Variants in THEMIS observed in about 807,000 individuals in gnomAD.
The protein encoded by THEMIS is protein THEMIS.
THEMIS carries 37 observed loss-of-function variants against 52.6 expected under a neutral mutation model. The ratio of observed to expected loss-of-function variants is 0.70; its 90% CI spans 0.54 to 0.93. THEMIS has a LOEUF of 0.93. Among genes scored for constraint, THEMIS ranks in the 40% least tolerant of loss-of-function variants. The probability of loss-of-function intolerance (pLI) is 0.00; values close to 1 mark genes in which losing one functional copy is unlikely to be tolerated. For missense variants in THEMIS, 808 were observed against 763.1 expected, an observed-to-expected ratio of 1.06 and a Z score of -0.69; for synonymous variants, 292 against 272.7, an observed-to-expected ratio of 1.07 and a Z score of -0.70.
At chr6:127,848,310 A>T (rs1427211551) in intron 2 of THEMIS, among the ~76,000 whole-genome samples, 1 of 151,848 alleles carries the variant, frequency 6.6e-6, no homozygotes, top group African/African-American at 2.4e-5. Context: ...ACATTTTCTT[A>T]ATCCAGTCTA....
intron 1 of THEMIS, among the ~76,000 whole-genome samples, chr6:127,859,098 G>C: frequency 6.6e-6 from 1 of 152,010 alleles, no homozygotes; most frequent in East Asian, 1.9e-4. Context: ...ACGTGTGACA[G>C]TCAGCAAATA....
chr6:127,737,075 A>G (rs2114256652), intron 4 of THEMIS, among the ~76,000 whole-genome samples: 1 of 152,268 alleles, frequency 6.6e-6, no homozygotes, highest in East Asian at 1.9e-4. Context: ...AGCAACCAGG[A>G]GACTGTGACT....
intron 2 of THEMIS, among the ~76,000 whole-genome samples, chr6:127,836,208 T>C (rs1174696647): frequency 1.3e-5 from 2 of 152,162 alleles, no homozygotes; most frequent in African/African-American, 4.8e-5. Context: ...GGGAGCCATG[T>C]GGAGCTGATT....
intron 2 of THEMIS, among the ~76,000 whole-genome samples, chr6:127,843,729 T>C (rs558628789): frequency 7.2e-5 from 11 of 151,938 alleles, no homozygotes; most frequent in Non-Finnish European, 1.0e-4. Flanking sequence ...AAGGGTATGG[T>C]AGAAGTGATG....
chr6:127,717,646 C>A (rs1230296740), intron 5 of THEMIS, among the ~76,000 whole-genome samples: 1 of 151,824 alleles, frequency 6.6e-6, no homozygotes, highest in Non-Finnish European at 1.5e-5. Context: ...CGTGTTCAGT[C>A]ATTCACAGCA....
intron 4 of THEMIS, among the ~76,000 whole-genome samples, chr6:127,805,462 A>G (rs7772357): frequency 0.15 from 23,082 of 151,946 alleles, 1,955 homozygotes; most frequent in African/African-American, 0.22. Context: ...TGAATTTTTA[A>G]AGTATTTATG....
chr6:127,905,718 T>A (rs1464315086), upstream of THEMIS, among the ~76,000 whole-genome samples: 2 of 152,002 alleles, frequency 1.3e-5, no homozygotes, highest in Non-Finnish European at 2.9e-5. Flanking sequence ...GAAGTTAAAA[T>A]GTTCTAAAGC....
chr6:127,768,681 GCATT>G (rs1203407305), intron 4 of THEMIS, among the ~76,000 whole-genome samples: 2 of 152,132 alleles, frequency 1.3e-5, no homozygotes, highest in Non-Finnish European at 2.9e-5. Context: ...AATTACTTAT[GCATT>G]CAGACAGTTA....
intron 4 of THEMIS, among the ~76,000 whole-genome samples, chr6:127,735,209 TAAC>T (rs1774961193): frequency 2.0e-5 from 3 of 151,974 alleles, no homozygotes; most frequent in East Asian, 3.9e-4. Context: ...GGTGGCAATC[TAAC>T]AACAAGACTG....
intron 4 of THEMIS, among the ~76,000 whole-genome samples, chr6:127,767,265 G>C (rs1171514357): frequency 6.6e-6 from 1 of 151,550 alleles, no homozygotes; most frequent in South Asian, 2.1e-4. Flanking sequence ...CTAATTTTTT[G>C]TATTTTAGTA....
At chr6:127,769,211 C>T (rs563175727) in intron 4 of THEMIS, among the ~76,000 whole-genome samples, 1 of 152,150 alleles carries the variant, frequency 6.6e-6, no homozygotes, top group South Asian at 2.1e-4. Context: ...TTTTAAGATG[C>T]CATTTAATTG....
At chr6:127,837,711 G>C (rs1020612581) in intron 2 of THEMIS, among the ~76,000 whole-genome samples, 1 of 151,846 alleles carries the variant, frequency 6.6e-6, no homozygotes, top group Non-Finnish European at 1.5e-5. Context: ...GACTGAAACA[G>C]CTGCTTTTAA....
At chr6:127,852,340 A>C (rs2114282192) in intron 2 of THEMIS, among the ~76,000 whole-genome samples, 1 of 151,718 alleles carries the variant, frequency 6.6e-6, no homozygotes, top group African/African-American at 2.4e-5. Context: ...ACTAGAAAGA[A>C]GATACACAAA....
chr6:127,798,254 G>A (rs1233604286), intron 4 of THEMIS, among the ~76,000 whole-genome samples: 1 of 152,070 alleles, frequency 6.6e-6, no homozygotes, highest in Admixed American at 6.5e-5. Flanking sequence ...ATATTTATAT[G>A]CAAACACATA....
At chr6:127,786,589 A>G (rs1776956300) in intron 4 of THEMIS, among the ~76,000 whole-genome samples, 1 of 152,182 alleles carries the variant, frequency 6.6e-6, no homozygotes, top group Non-Finnish European at 1.5e-5. Flanking sequence ...TAAGCCTCAC[A>G]ACAATTCTCT....
At chr6:127,789,607 A>C (rs1265058276) in intron 4 of THEMIS, among the ~76,000 whole-genome samples, 1 of 152,226 alleles carries the variant, frequency 6.6e-6, no homozygotes, top group Admixed American at 6.5e-5. Context: ...CCTGATGAAC[A>C]TCAATACAAA....
At chr6:127,757,481 C>T (rs763908340) in intron 4 of THEMIS, among the ~76,000 whole-genome samples, 89 of 146,488 alleles carry the variant, frequency 6.1e-4, no homozygotes, top group Non-Finnish European at 1.2e-3. Context: ...ACACATGTCA[C>T]TTTTTTTTTT....
At chr6:127,784,979 C>CTATCTAT (rs1208909758) in intron 4 of THEMIS, among the ~76,000 whole-genome samples, 2 of 135,916 alleles carry the variant, frequency 1.5e-5, no homozygotes, top group African/African-American at 5.2e-5. Flanking sequence ...ATCTATCTAT[C>CTATCTAT]TATCTATCTA....
chr6:127,875,678 T>C (rs928145665), intron 1 of THEMIS, among the ~76,000 whole-genome samples: 6 of 152,308 alleles, frequency 3.9e-5, no homozygotes, highest in Admixed American at 3.3e-4. Flanking sequence ...TAATTTAAAC[T>C]TAAAGAGCCA....
Sources: allele counts gnomAD v4.1 joint callset (sites outside exome capture counted in the v4.1 genomes callset), GRCh38; gene constraint gnomAD v4.1.1; transcripts MANE v1.5; gene names NCBI Gene and HGNC (gene_info 2026-07-23, HGNC 2026-07-21).